IL6ST: variants seen among roughly 807,000 people sequenced by gnomAD.
IL6ST encodes the protein interleukin 6 cytokine family signal transducer.
IL6ST carries 24 observed loss-of-function variants against 91.3 expected under a neutral mutation model. That is an observed-to-expected ratio of 0.26 (90% CI 0.19 to 0.37). The LOEUF (loss-of-function observed/expected upper bound fraction) is 0.37, where lower values mean the gene tolerates loss of function less well. Ranked by LOEUF, IL6ST falls within the 10% of genes least tolerant of loss-of-function variation. The pLI, the probability that IL6ST is intolerant of heterozygous loss-of-function variation, is 1.00. For synonymous variants in IL6ST, 351 were observed against 373.6 expected, an observed-to-expected ratio of 0.94 and a Z score of 0.70; for missense variants, 914 against 1,078.5, an observed-to-expected ratio of 0.85 and a Z score of 2.14.
At position 55,952,087 on chromosome 5, in the gene IL6ST, T is replaced by A; in HGVS notation, c.1553-12A>T. The A allele has an allele frequency of 6.2e-7, 1 of 1,601,856 alleles. No individual in the cohort carries two copies. The highest frequency in any genetic ancestry group is 8.5e-7 in the Non-Finnish European group (1 of 1,175,948). ...TCCTTTGGAAGGTGCTGTAACAGAG[T>A]GAACACATTTGCTAACTGAAAATCA... On this transcript the variant is annotated splice_polypyrimidine_tract_variant and intron_variant, in intron 12 of 16. Transcript: ENST00000381298.
intron 15 of IL6ST, among the ~76,000 whole-genome samples, chr5:55,945,811 C>T (rs765269712): frequency 4.0e-5 from 6 of 151,660 alleles, no homozygotes; most frequent in Admixed American, 3.3e-4. Flanking sequence ...CCACCATGCC[C>T]GGCTAAGTTT....
intron 15 of IL6ST, among the ~76,000 whole-genome samples, chr5:55,946,634 T>G (rs1751266524): frequency 6.6e-6 from 1 of 151,800 alleles, no homozygotes; most frequent in Non-Finnish European, 1.5e-5. Context: ...CTGGCCAACA[T>G]GATGAAACTC....
chr5:55,948,052 C>A (rs1751386384), intron 14 of IL6ST, among the ~76,000 whole-genome samples: 1 of 152,098 alleles, frequency 6.6e-6, no homozygotes, highest in East Asian at 1.9e-4. Context: ...ACACATTTAA[C>A]CTTCTAAAAA....
intron 1 of IL6ST, among the ~76,000 whole-genome samples, chr5:55,993,391 C>T (rs1200568790): frequency 2.0e-5 from 3 of 152,146 alleles, no homozygotes; most frequent in South Asian, 2.1e-4. Context: ...ATTTAACTTT[C>T]GCCCTAACAC....
chr5:55,973,323 C>G (rs1255152824), intron 3 of IL6ST, among the ~76,000 whole-genome samples: 1 of 152,140 alleles, frequency 6.6e-6, no homozygotes, highest in Non-Finnish European at 1.5e-5. Flanking sequence ...GACTGCATTT[C>G]CCCCAACCAC....
intron 9 of IL6ST, 90 bp from the exon 10 acceptor site, chr5:55,956,325 T>A (rs1392994107): frequency 1.4e-6 from 1 of 715,052 alleles, no homozygotes; most frequent in Admixed American, 2.7e-5. Context: ...CATGCCATTA[T>A]GTCAAATCTC....
rs199818715 is a variant in IL6ST at position 55,957,217 on chromosome 5, C to T, written c.1048G>A (p.Val350Met). The change falls in exon 9 of 17, where the codon GTG (valine) becomes ATG (methionine). Residue 350 changes from valine (V) to methionine (M), a missense_variant. By Grantham distance (21) the Val-to-Met change is conservative. Coordinates refer to ENST00000381298, the MANE Select transcript of IL6ST (RefSeq NM_002184.4). Reference sequence around the variant, plus strand: ...TAAATGTGATTTTTTACCTTCCACACGAGTTGTACAGTTCTGTAGCCTTGA... The same window carrying T: ...TAAATGTGATTTTTTACCTTCCACATGAGTTGTACAGTTCTGTAGCCTTGA... Reference protein sequence around the residue: ...HTQGYRTVQLVWKTLPPFEAN... With the variant: ...HTQGYRTVQLMWKTLPPFEAN... 679 of 1,491,556 alleles carry T rather than the reference C, an allele frequency of 4.6e-4. 1 individual carries two copies. The highest frequency in any genetic ancestry group is 6.0e-4 in the Non-Finnish European group (661 of 1,101,914). 92.4% of individuals were successfully genotyped at this position (1,491,556 alleles called of 1,614,324 possible). A position where few individuals can be genotyped will look rare whatever the true frequency, so the allele number is the denominator to read the frequency against.
chr5:55,968,535 G>T, intron 4 of IL6ST, 139 bp from the exon 5 acceptor site: 1 of 688,518 alleles, frequency 1.5e-6, no homozygotes. Context: ...CACAATGAAA[G>T]GCTGATGACA....
At chr5:55,974,958 C>CACAT (rs2111848500) in intron 3 of IL6ST, among the ~76,000 whole-genome samples, 1 of 101,292 alleles carries the variant, frequency 9.9e-6, no homozygotes, top group East Asian at 2.2e-4. Flanking sequence ...CACACACATA[C>CACAT]ACACACACAC....
chr5:55,946,783 C>A (rs922659585), intron 15 of IL6ST, among the ~76,000 whole-genome samples: 1 of 150,252 alleles, frequency 6.7e-6, no homozygotes, highest in Non-Finnish European at 1.5e-5. Flanking sequence ...TGCCACTGTA[C>A]TCCAGTAAGG....
intron 2 of IL6ST, among the ~76,000 whole-genome samples, chr5:55,981,974 G>A (rs563740739): frequency 7.2e-5 from 11 of 152,286 alleles, no homozygotes; most frequent in Non-Finnish European, 1.0e-4. Flanking sequence ...GCTAGATGAT[G>A]TATAACAAGT....
At chr5:55,984,181 G>A (rs1271403428) in intron 1 of IL6ST, among the ~76,000 whole-genome samples, 2 of 152,138 alleles carry the variant, frequency 1.3e-5, no homozygotes, top group Admixed American at 6.6e-5. Context: ...AAATAAGTGG[G>A]CATAGGTATA....
intron 5 of IL6ST, 103 bp downstream of exon 5, chr5:55,968,173 G>T: frequency 9.5e-7 from 1 of 1,049,330 alleles, no homozygotes; most frequent in Non-Finnish European, 1.4e-6. Context: ...AAAATTAAAT[G>T]TTTTAAAATA....
intron 3 of IL6ST, among the ~76,000 whole-genome samples, chr5:55,972,484 C>A (rs1383208517): frequency 6.6e-6 from 1 of 151,884 alleles, no homozygotes; most frequent in African/African-American, 2.4e-5. Flanking sequence ...TGCACTCCAG[C>A]CTGAGCGACA....
intron 2 of IL6ST, among the ~76,000 whole-genome samples, chr5:55,981,789 A>G (rs967844718): frequency 1.3e-5 from 2 of 152,214 alleles, no homozygotes; most frequent in Non-Finnish European, 2.9e-5. Flanking sequence ...TGCATATATT[A>G]TAACCATACA....
rs115217157 is a variant in IL6ST at position 55,946,005 on chromosome 5, G to A, written c.1937+1488C>T. ...AGACTGGGACAAAAGTTTGCAAAAC[G>A]TATTTAACAATGTTGTAACCAGAAC... On this transcript the variant is annotated intron_variant, in intron 15 of 16. Coordinates refer to ENST00000381298, the MANE Select transcript of IL6ST (RefSeq NM_002184.4). Among the ~76,000 whole-genome samples the A allele has an allele frequency of 1.4e-3, 213 of 152,138 alleles. 1 individual carries two copies. The highest frequency in any genetic ancestry group is 3.4e-3 in the Middle Eastern group (1 of 294).
At chr5:55,957,925 CTATT>C (rs890072104) in intron 8 of IL6ST, among the ~76,000 whole-genome samples, 1 of 151,970 alleles carries the variant, frequency 6.6e-6, no homozygotes, top group Non-Finnish European at 1.5e-5. Flanking sequence ...ACTGGAAAAT[CTATT>C]TAAACACATT....
intron 1 of IL6ST, among the ~76,000 whole-genome samples, chr5:55,988,286 T>A (rs911026129): frequency 3.3e-5 from 5 of 152,076 alleles, no homozygotes; most frequent in African/African-American, 1.2e-4. Flanking sequence ...AGCAAAAATA[T>A]AATAAATAAG....
chr5:55,953,815 T>C (rs1437143951), intron 11 of IL6ST, among the ~76,000 whole-genome samples: 1 of 152,154 alleles, frequency 6.6e-6, no homozygotes, highest in Non-Finnish European at 1.5e-5. Flanking sequence ...ACAGTGAGAT[T>C]CCCTCTCTAC....
Sources: allele counts gnomAD v4.1 joint callset (sites outside exome capture counted in the v4.1 genomes callset), GRCh38; gene constraint gnomAD v4.1.1; transcripts MANE v1.5; gene names NCBI Gene and HGNC (gene_info 2026-07-23, HGNC 2026-07-21).